FAM117B: variants seen among roughly 807,000 people sequenced by gnomAD.
FAM117B encodes the protein protein FAM117B.
A neutral mutation model predicts 52.8 loss-of-function variants in FAM117B; 22 were observed. That is an observed-to-expected ratio of 0.42 (90% confidence interval 0.30 to 0.59). The LOEUF is 0.59. Among genes scored for constraint, FAM117B ranks in the 20% least tolerant of loss-of-function variants. The pLI is 0.22. For missense variants in FAM117B, 678 were observed against 802.6 expected (o/e 0.84, Z 1.88); for synonymous variants, 309 against 324.1 (o/e 0.95, Z 0.50).
intron 1 of FAM117B, among the ~76,000 whole-genome samples, chr2:202,646,398 C>T (rs1293203484): frequency 1.3e-5 from 2 of 152,206 alleles, no homozygotes; most frequent in African/African-American, 4.8e-5. Context: ...GAGCATGTTA[C>T]TCTAGAAAGA....
intron 4 of FAM117B, among the ~76,000 whole-genome samples, chr2:202,731,067 AGG>A (rs879598232): frequency 2.5e-4 from 38 of 152,056 alleles, no homozygotes; most frequent in Non-Finnish European, 4.6e-4. Flanking sequence ...ATATCTGATA[AGG>A]CATTTGTGTC....
chr2:202,649,113 C>G (rs948051186), intron 1 of FAM117B, among the ~76,000 whole-genome samples: 10 of 152,236 alleles, frequency 6.6e-5, no homozygotes, highest in African/African-American at 2.4e-4. Flanking sequence ...TTTGTGTTGT[C>G]AGATATATTT....
At chr2:202,760,756 A>G (rs889144629) in intron 7 of FAM117B, among the ~76,000 whole-genome samples, 2 of 152,152 alleles carry the variant, frequency 1.3e-5, no homozygotes, top group African/African-American at 4.8e-5. Context: ...CATCTCAGTA[A>G]TACGTATTTG....
At chr2:202,741,064 T>C (rs1691526523) in intron 4 of FAM117B, among the ~76,000 whole-genome samples, 1 of 152,126 alleles carries the variant, frequency 6.6e-6, no homozygotes, top group Non-Finnish European at 1.5e-5. Flanking sequence ...CCTACTTCTG[T>C]TTACATTGTA....
intron 1 of FAM117B, among the ~76,000 whole-genome samples, chr2:202,654,058 T>TGAGAGAGA (rs1228924079): frequency 8.8e-6 from 1 of 113,370 alleles, no homozygotes; most frequent in African/African-American, 4.0e-5. Flanking sequence ...GGGAAGAGAG[T>TGAGAGAGA]GAGTGAGAGA....
At chr2:202,706,845 G>C (rs2105780687) in intron 2 of FAM117B, among the ~76,000 whole-genome samples, 1 of 152,116 alleles carries the variant, frequency 6.6e-6, no homozygotes, top group Admixed American at 6.5e-5. Flanking sequence ...TCTTTTTTTG[G>C]GGGCCTAAAT....
intron 1 of FAM117B, among the ~76,000 whole-genome samples, chr2:202,667,448 G>A (rs1690222593): frequency 6.6e-6 from 1 of 151,824 alleles, no homozygotes; most frequent in South Asian, 2.1e-4. Flanking sequence ...CTTTGTGTAT[G>A]TGTGTCTGTG....
At chr2:202,711,804 C>T (rs975918198) in intron 2 of FAM117B, among the ~76,000 whole-genome samples, 3 of 152,122 alleles carry the variant, frequency 2.0e-5, no homozygotes, top group Non-Finnish European at 4.4e-5. Flanking sequence ...ACAGACTGTC[C>T]TTTCCCCATG....
At chr2:202,759,505 C>T in intron 7 of FAM117B, 152 bp downstream of exon 7, 1 of 988,328 alleles carries the variant, frequency 1.0e-6, no homozygotes, top group Non-Finnish European at 1.4e-6. Flanking sequence ...TATCTTCCCA[C>T]CTCAACCTCC....
chr2:202,756,810 C>T (rs1691807116), intron 5 of FAM117B, among the ~76,000 whole-genome samples: 1 of 152,072 alleles, frequency 6.6e-6, no homozygotes, highest in African/African-American at 2.4e-5. Context: ...TGAAAAAATC[C>T]TTTCAGGGCG....
intron 1 of FAM117B, among the ~76,000 whole-genome samples, chr2:202,680,132 G>A (rs1180208610): frequency 2.0e-5 from 3 of 152,058 alleles, no homozygotes; most frequent in South Asian, 4.1e-4. Context: ...AGTTGAAAAC[G>A]GCAGTAGAAA....
chr2:202,765,325 T>A (rs1327708161), intron 7 of FAM117B, 121 bp from the exon 8 acceptor site: 10 of 983,472 alleles, frequency 1.0e-5, no homozygotes, highest in African/African-American at 5.0e-5. Flanking sequence ...TTTATATTCC[T>A]TTTCTGTGAT....
intron 7 of FAM117B, among the ~76,000 whole-genome samples, chr2:202,762,246 G>T (rs1287105653): frequency 6.6e-6 from 1 of 152,112 alleles, no homozygotes; most frequent in Non-Finnish European, 1.5e-5. Flanking sequence ...TGGGGGGTCG[G>T]GATGGGGTGA....
intron 4 of FAM117B, among the ~76,000 whole-genome samples, chr2:202,740,174 C>CAAAAA (rs67479326): frequency 2.1e-4 from 21 of 100,608 alleles, no homozygotes; most frequent in African/African-American, 3.7e-4. Context: ...CTTCATCCCC[C>CAAAAA]AAAAAAAAAA....
intron 1 of FAM117B, among the ~76,000 whole-genome samples, chr2:202,694,188 CTTTTTTTTT>C (rs757843381): frequency 2.0e-5 from 2 of 99,098 alleles, no homozygotes; most frequent in Non-Finnish European, 3.9e-5. Context: ...AAACCCACTT[CTTTTTTTTT>C]TTTTTTTTTT....
At chr2:202,740,857 T>C (rs780978999) in intron 4 of FAM117B, among the ~76,000 whole-genome samples, 2 of 151,848 alleles carry the variant, frequency 1.3e-5, no homozygotes, top group Non-Finnish European at 1.5e-5. Flanking sequence ...AATATCTACA[T>C]TGATACAAAA....
chr2:202,647,162 T>G (rs973498172), intron 1 of FAM117B, among the ~76,000 whole-genome samples: 1 of 152,122 alleles, frequency 6.6e-6, no homozygotes, highest in African/African-American at 2.4e-5. Context: ...CTTAGTAAAG[T>G]TATTTTTTAC....
At chr2:202,668,235 A>C (rs982877164) in intron 1 of FAM117B, among the ~76,000 whole-genome samples, 1 of 145,588 alleles carries the variant, frequency 6.9e-6, no homozygotes, top group African/African-American at 2.5e-5. Context: ...ATATATATTA[A>C]TATTTATATA....
chr2:202,759,196 A>G (rs377415242), intron 6 of FAM117B, 37 bp from the exon 7 acceptor site: 56 of 1,610,672 alleles, frequency 3.5e-5, no homozygotes, highest in Non-Finnish European at 4.3e-5. Flanking sequence ...GTATGACTAT[A>G]CATTTATGTA....
Sources: allele counts gnomAD v4.1 joint callset (sites outside exome capture counted in the v4.1 genomes callset), GRCh38; gene constraint gnomAD v4.1.1; transcripts MANE v1.5; gene names NCBI Gene and HGNC (gene_info 2026-07-23, HGNC 2026-07-21).